Variants in SLC16A4 observed in about 807,000 individuals in gnomAD.
The protein encoded by SLC16A4 is probable monocarboxylate transporter 5.
SLC16A4 carries 39 observed loss-of-function variants against 47.9 expected under a neutral mutation model. That is an observed-to-expected ratio of 0.81 (90% CI 0.63 to 1.06). SLC16A4 has a LOEUF of 1.06. Ranked by LOEUF, SLC16A4 falls within the 50% of genes least tolerant of loss-of-function variation. The probability of loss-of-function intolerance (pLI) is 0.00; values close to 1 mark genes in which losing one functional copy is unlikely to be tolerated. For synonymous variants in SLC16A4, 189 were observed against 199.9 expected, an observed-to-expected ratio of 0.95 and a Z score of 0.46; for missense variants, 524 against 573.8, an observed-to-expected ratio of 0.91 and a Z score of 0.89.
rs765694283 is a variant in SLC16A4, at chr1:110,381,798, TAAGAG to T, written c.221-8_221-4del. 8 of 1,609,162 alleles carry T rather than the reference TAAGAG, an allele frequency of 5.0e-6. No individual in the cohort carries two copies. The East Asian group carries it at 6.7e-5, about 13-fold the overall frequency. On this transcript the variant is annotated splice_polypyrimidine_tract_variant and splice_region_variant and intron_variant, in intron 3 of 8. Coordinates refer to ENST00000369779, the MANE Select transcript of SLC16A4 (RefSeq NM_004696.3). ...ACAAATAATAGCAACCAGGGGACCT[TAAGAG>T]AAGAAAGAAAGGCAATTCTTAGGTA...
In SLC16A4 at chr1:110,381,025, CAAAAG is replaced by C. The variant is rs1276648735; in HGVS notation, c.478_482del (p.Leu160GlyfsTer12). On this transcript the variant is annotated frameshift_variant, in exon 5 of 9. Coordinates refer to ENST00000369779, the MANE Select transcript of SLC16A4 (RefSeq NM_004696.3). LOFTEE classifies it high-confidence loss of function. ...CTATCAGGAATTTTGTAAAGGGTGC[CAAAAG>C]AAAAGTCAGTCCCATCCCAGAACGG... 5.0e-6 allele frequency: 8 copies of C among 1,613,850 alleles called. No homozygotes were observed. Among genetic ancestry groups the C allele is most frequent in the Admixed American group, 1.7e-5 (1 of 59,982 alleles).
intron 8 of SLC16A4, among the ~76,000 whole-genome samples, chr1:110,366,244 G>A (rs1661388761): frequency 6.6e-6 from 1 of 151,548 alleles, no homozygotes; most frequent in Non-Finnish European, 1.5e-5. Flanking sequence ...TGCAACCTCC[G>A]ACCCGCAGGT....
intron 8 of SLC16A4, among the ~76,000 whole-genome samples, chr1:110,366,348 T>C (rs1661397595): frequency 2.0e-5 from 3 of 151,980 alleles, no homozygotes; most frequent in Admixed American, 2.0e-4. Context: ...TTAGTAGAGA[T>C]GGGGTTTCGC....
At chr1:110,390,769 T>C (rs1570664072) in intron 1 of SLC16A4, 96 bp downstream of exon 1, 1 of 152,084 alleles carries the variant, frequency 6.6e-6, no homozygotes, top group African/African-American at 2.4e-5. Context: ...GCTGGCAGGG[T>C]ATGCGGAATG....
At chr1:110,380,864 T>C in intron 5 of SLC16A4, 118 bp downstream of exon 5, 1 of 849,294 alleles carries the variant, frequency 1.2e-6, no homozygotes, top group Admixed American at 2.2e-5. Flanking sequence ...TCATTTCCTC[T>C]CTTGCAATAC....
chr1:110,379,170 T>A lies in SLC16A4; in HGVS notation c.713A>T (p.Lys238Met), dbSNP rs141861901. Reference protein sequence around the residue: ...HCHETEESTIKDSTTQKAGLP... With the variant: ...HCHETEESTIMDSTTQKAGLP... Reference sequence around the variant, plus strand: ...TCCAGCCTTCTGCGTAGTACTGTCCTTGATGGTAGACTCTTCTGTCTCATG... The same window carrying A: ...TCCAGCCTTCTGCGTAGTACTGTCCATGATGGTAGACTCTTCTGTCTCATG... The change falls in exon 6 of 9, where the codon AAG becomes ATG. Residue 238 changes from lysine to methionine, a missense_variant. By Grantham distance (95) the Lys-to-Met change is moderately conservative (BLOSUM62 -1). Transcript: ENST00000369779. The A allele has an allele frequency of 1.3e-4, 216 of 1,614,228 alleles. No homozygotes were observed. The African/African-American group carries it at 2.5e-3, about 18-fold the overall frequency.
At chr1:110,364,874 T>C (rs1271408762) in intron 8 of SLC16A4, among the ~76,000 whole-genome samples, 4 of 151,948 alleles carry the variant, frequency 2.6e-5, no homozygotes, top group Non-Finnish European at 5.9e-5. Context: ...TGGCACATAC[T>C]AAAACTTAAG....
Position 110,391,012 on chromosome 1 carries a change from AAGG to A in SLC16A4, c.-183_-181del, listed in dbSNP as rs1663010801. 6.6e-6 allele frequency: 1 copy of A among 152,234 alleles called. No individual in the cohort carries two copies. Among genetic ancestry groups the A allele is most frequent in the Non-Finnish European group, 1.5e-5 (1 of 68,040 alleles). The allele number at this position is 152,234 out of a possible 1,614,324, so 9.4% of individuals were successfully genotyped here. A position where few individuals can be genotyped will look rare whatever the true frequency, so the allele number is the denominator to read the frequency against. ...AAAACAAGTGAGCATTGTAAGAGCC[AAGG>A]AGGGCTCAGACGATTTAGGCCCTCC... is the stretch of plus-strand genomic sequence containing the variant. On this transcript the variant is annotated 5_prime_UTR_variant, in exon 1 of 9. Transcript: ENST00000369779.
chr1:110,363,799 T>C lies in SLC16A4; in HGVS notation c.1431A>G (p.Pro477=). The C allele has an allele frequency of 3.1e-6, 5 of 1,610,548 alleles. No homozygotes were observed. The highest frequency in any genetic ancestry group is 4.2e-6 in the Non-Finnish European group (5 of 1,178,824). The part of the protein sequence containing the change: ...LLSSVSFFFV[P]LAERWKNSLT ...GACTGTTTTTCCATCTTTCGGCCAA[T>C]GGTACAAAAAAAAAGGAAACTGAAG... The change falls in exon 9 of 9, where the codon CCA becomes CCG. Residue 477 remains proline (P), a synonymous_variant. Transcript: ENST00000369779.
intron 8 of SLC16A4, among the ~76,000 whole-genome samples, chr1:110,366,357 G>A (rs1349677189): frequency 4.6e-5 from 7 of 151,758 alleles, no homozygotes; most frequent in Admixed American, 6.6e-5. Flanking sequence ...ATGGGGTTTC[G>A]CCATGTTGGC....
intron 2 of SLC16A4, among the ~76,000 whole-genome samples, chr1:110,386,120 G>T (rs1166598649): frequency 2.0e-5 from 3 of 152,206 alleles, no homozygotes; most frequent in Non-Finnish European, 2.9e-5. Flanking sequence ...TGGTCCCCCA[G>T]TTCAGAGCTT....
In SLC16A4 at chr1:110,383,527, C is replaced by T. The variant is rs190182167; in HGVS notation, c.88-561G>A. Among the ~76,000 whole-genome samples, 61 of 152,120 alleles carry T rather than the reference C, an allele frequency of 4.0e-4. 1 individual carries two copies. In the Middle Eastern group the frequency reaches 0.014, roughly 34 times the overall value. The stretch of plus-strand genomic sequence containing the variant: ...CTGGGTGGAAGGGTGGAGGGGGACC[C>T]ACAACCAGATGAGCCAGTTTATTAA... On this transcript the variant is annotated intron_variant, in intron 2 of 8. Coordinates refer to ENST00000369779, the MANE Select transcript of SLC16A4 (RefSeq NM_004696.3).
intron 8 of SLC16A4, 139 bp downstream of exon 8, chr1:110,375,319 G>A: frequency 1.6e-6 from 1 of 630,474 alleles, no homozygotes. Flanking sequence ...ATTGGTGGTG[G>A]AGTGAGTAGA....
intron 2 of SLC16A4, among the ~76,000 whole-genome samples, chr1:110,383,331 C>T (rs1391653451): frequency 3.3e-5 from 5 of 152,144 alleles, no homozygotes; most frequent in African/African-American, 1.2e-4. Context: ...TCCCACAGAG[C>T]CCATTGTGCA....
chr1:110,375,386 A>G (rs770373984), intron 8 of SLC16A4, 72 bp downstream of exon 8: 98 of 851,502 alleles, frequency 1.2e-4, no homozygotes, highest in Middle Eastern at 4.4e-4. Context: ...ATTACATGTT[A>G]CCATTAATCC....
At chr1:110,376,591 T>G (rs1325406433) in intron 7 of SLC16A4, among the ~76,000 whole-genome samples, 1 of 152,216 alleles carries the variant, frequency 6.6e-6, no homozygotes, top group Non-Finnish European at 1.5e-5. Context: ...TCTCTTGAAG[T>G]GTTCTCAGGG....
At chr1:110,370,502 C>T (rs952921093) in intron 8 of SLC16A4, 3 of 152,152 alleles carry the variant, frequency 2.0e-5, no homozygotes, top group African/African-American at 7.2e-5. Context: ...AATGACCTAT[C>T]ATTTCATGAG....
chr1:110,382,050 A>G (rs1207652335), intron 3 of SLC16A4, among the ~76,000 whole-genome samples: 1 of 152,252 alleles, frequency 6.6e-6, no homozygotes, highest in Non-Finnish European at 1.5e-5. Context: ...TTTGAAATGC[A>G]TTATAGAACC....
chr1:110,375,244 T>C, intron 8 of SLC16A4: 1 of 478,116 alleles, frequency 2.1e-6, no homozygotes, highest in Non-Finnish European at 3.8e-6. Flanking sequence ...CTCCCAAGAA[T>C]ATAAGAATCT....
Sources: allele counts gnomAD v4.1 joint callset (sites outside exome capture counted in the v4.1 genomes callset), GRCh38; gene constraint gnomAD v4.1.1; transcripts MANE v1.5; gene names NCBI Gene and HGNC (gene_info 2026-07-23, HGNC 2026-07-21).